Variants in LAMA2 observed in about 807,000 individuals in gnomAD.
LAMA2 encodes the protein laminin subunit alpha-2.
In LAMA2, 269 loss-of-function variants were observed where a neutral mutation model predicts 364.8. The ratio of observed to expected loss-of-function variants is 0.74; its 90% CI spans 0.67 to 0.82. LAMA2 has a LOEUF of 0.82. LAMA2 is among the 40% of genes least tolerant of loss of function. The pLI is 0.00. For synonymous variants in LAMA2, 1,379 were observed against 1,370.6 expected (o/e 1.01, Z -0.14); for missense variants, 3,807 against 3,873.2 (o/e 0.98, Z 0.45).
chr6:128,964,213 A>G (rs745802662), intron 1 of LAMA2, among the ~76,000 whole-genome samples: 1 of 152,062 alleles, frequency 6.6e-6, no homozygotes, highest in Non-Finnish European at 1.5e-5. Flanking sequence ...AAAAATCTGC[A>G]TTTTATGTGA....
intron 9 of LAMA2, among the ~76,000 whole-genome samples, chr6:129,172,843 C>T (rs958515268): frequency 6.6e-6 from 1 of 152,260 alleles, no homozygotes; most frequent in African/African-American, 2.4e-5. Context: ...GCGTAGGACC[C>T]TCCAAGCCAG....
At chr6:128,928,965 G>A (rs1430188417) in intron 1 of LAMA2, 1 of 1,023,154 alleles carries the variant, frequency 9.8e-7, no homozygotes, top group East Asian at 2.4e-5. Flanking sequence ...GTAATACAGG[G>A]AAGCTACTCA....
chr6:128,931,409 A>G (rs1396561209), intron 1 of LAMA2, among the ~76,000 whole-genome samples: 3 of 152,196 alleles, frequency 2.0e-5, no homozygotes, highest in Non-Finnish European at 2.9e-5. Flanking sequence ...TTAATGTTGA[A>G]TATCTGAATG....
At chr6:129,052,362 A>G (rs1375349583) in intron 2 of LAMA2, among the ~76,000 whole-genome samples, 1 of 146,188 alleles carries the variant, frequency 6.8e-6, no homozygotes, top group African/African-American at 2.5e-5. Context: ...GTTAGCTAGC[A>G]CGGTCTCAAT....
rs531933801 is a variant in LAMA2, at chr6:129,200,349, T to C, written c.1782+7496T>C. Among the ~76,000 whole-genome samples the C allele has an allele frequency of 2.5e-5, 3 of 120,500 alleles. No individual in the cohort carries two copies. The South Asian group carries it at 7.5e-4, about 30-fold the overall frequency. The allele number at this position is 120,500 out of a possible 152,430, so 79.1% of individuals were successfully genotyped here. On this transcript the variant is annotated intron_variant, in intron 12 of 64. Coordinates refer to ENST00000421865, the MANE Select transcript of LAMA2 (RefSeq NM_000426.4). ...ACATATACATATACACGTATATGTG[T>C]ACACATATACATATACACGTGTATG...
At chr6:129,468,439 ATACTTT>A (rs1340889175) in intron 51 of LAMA2, among the ~76,000 whole-genome samples, 1 of 151,842 alleles carries the variant, frequency 6.6e-6, no homozygotes, top group Non-Finnish European at 1.5e-5. Flanking sequence ...ATTTTCTCTA[ATACTTT>A]TAAAGTATTT....
Position 129,266,002 on chromosome 6 carries a change from G to A in LAMA2, c.2209-1104G>A, listed in dbSNP as rs145509621. Among the ~76,000 whole-genome samples the A allele has an allele frequency of 6.0e-4, 91 of 152,072 alleles. 1 individual carries two copies. Among genetic ancestry groups the A allele is most frequent in the African/African-American group, 2.1e-3 (89 of 41,514 alleles). ...GTTCATTATTGATGTTCAAATTTGA[G>A]AGTCCTCATATCCTGAGGCAGAAGG... On this transcript the variant is annotated intron_variant, in intron 15 of 64. Coordinates refer to ENST00000421865, the MANE Select transcript of LAMA2 (RefSeq NM_000426.4).
At chr6:129,239,805 T>G (rs1203844330) in intron 12 of LAMA2, among the ~76,000 whole-genome samples, 4 of 152,180 alleles carry the variant, frequency 2.6e-5, no homozygotes, top group Non-Finnish European at 5.9e-5. Context: ...TGTGTGCCAC[T>G]GCATCTAGCT....
intron 20 of LAMA2, among the ~76,000 whole-genome samples, chr6:129,296,856 A>G (rs1773215748): frequency 6.6e-6 from 1 of 152,110 alleles, no homozygotes; most frequent in East Asian, 1.9e-4. Flanking sequence ...GCTCGGAGTG[A>G]TTTTTTAATC....
At chr6:129,037,078 G>GGTCT (rs1486223328) in intron 1 of LAMA2, among the ~76,000 whole-genome samples, 2 of 152,112 alleles carry the variant, frequency 1.3e-5, no homozygotes. Flanking sequence ...TTCCTTGATA[G>GGTCT]GTCTTAGAAC....
chr6:129,051,198 A>T (rs1787977727), intron 2 of LAMA2, among the ~76,000 whole-genome samples: 1 of 148,266 alleles, frequency 6.7e-6, no homozygotes, highest in African/African-American at 2.5e-5. Context: ...TATATAATAT[A>T]TATATAAAAT....
At chr6:129,418,751 T>A (rs1346587116) in intron 40 of LAMA2, among the ~76,000 whole-genome samples, 1 of 152,160 alleles carries the variant, frequency 6.6e-6, no homozygotes, top group African/African-American at 2.4e-5. Context: ...TGTCACCTAA[T>A]GTACCAATAA....
chr6:129,050,906 G>T (rs1318113694), intron 2 of LAMA2, among the ~76,000 whole-genome samples: 13 of 152,132 alleles, frequency 8.5e-5, no homozygotes, highest in African/African-American at 2.9e-4. Context: ...ACTCATTGAT[G>T]TATTTATTCA....
chr6:128,957,836 ATTT>A lies in LAMA2; in HGVS notation c.112+74500_112+74502del, dbSNP rs10652900. 1.2e-3 allele frequency among the ~76,000 whole-genome samples: 61 copies of A among 51,270 alleles called. No individual in the cohort carries two copies. The South Asian group carries it at 0.044, about 37-fold the overall frequency. 33.6% of individuals were successfully genotyped at this position (51,270 alleles called of 152,430 possible). On this transcript the variant is annotated intron_variant, in intron 1 of 64. Coordinates refer to ENST00000421865, the MANE Select transcript of LAMA2 (RefSeq NM_000426.4). The stretch of plus-strand genomic sequence containing the variant: ...CTTCCCAGGCTGTACTACTTCATGC[ATTT>A]TTTTTTTTTTTTTTTTTTTTGCCTA...
chr6:129,220,794 A>G (rs993533243), intron 12 of LAMA2, among the ~76,000 whole-genome samples: 7 of 152,214 alleles, frequency 4.6e-5, no homozygotes, highest in Non-Finnish European at 1.0e-4. Context: ...TGTAATGCTT[A>G]TAATGGGACC....
At chr6:129,128,214 G>A (rs1319792984) in intron 4 of LAMA2, among the ~76,000 whole-genome samples, 1 of 152,144 alleles carries the variant, frequency 6.6e-6, no homozygotes, top group African/African-American at 2.4e-5. Flanking sequence ...TCTTCTGCAT[G>A]TGGATACCTA....
chr6:129,219,302 G>A (rs1179305276), intron 12 of LAMA2, among the ~76,000 whole-genome samples: 1 of 152,150 alleles, frequency 6.6e-6, no homozygotes. Flanking sequence ...AATTAGAATG[G>A]CAGTCATTAA....
intron 12 of LAMA2, among the ~76,000 whole-genome samples, chr6:129,239,240 C>G (rs889767413): frequency 4.6e-5 from 7 of 152,194 alleles, no homozygotes; most frequent in African/African-American, 1.7e-4. Context: ...TCCTGTCACA[C>G]ACAGCTAAAA....
chr6:128,947,692 C>A (rs771496867), intron 1 of LAMA2, among the ~76,000 whole-genome samples: 3 of 152,046 alleles, frequency 2.0e-5, no homozygotes, highest in Non-Finnish European at 2.9e-5. Flanking sequence ...GGATTTAAAG[C>A]GAGGATGTGA....
Sources: gnomAD v4.1 joint callset for allele counts (sites outside exome capture counted in the v4.1 genomes callset) on GRCh38, gnomAD v4.1.1 for gene constraint, MANE v1.5 for transcripts, NCBI Gene and HGNC (gene_info 2026-07-23, HGNC 2026-07-21) for gene names.